WSCD2: variants seen among roughly 807,000 people sequenced by gnomAD.
The protein encoded by WSCD2 is sialate:O-sulfotransferase 2.
Under a neutral mutation model 55.7 loss-of-function variants are expected in WSCD2, and 28 were observed. The ratio of observed to expected loss-of-function variants is 0.50; its 90% CI spans 0.37 to 0.69. The LOEUF is 0.69. Among genes scored for constraint, WSCD2 ranks in the 30% least tolerant of loss-of-function variants. WSCD2 has a pLI of 0.00. For synonymous variants in WSCD2, 301 were observed against 301.9 expected (o/e 1.00, Z 0.03); for missense variants, 616 against 762.1 (o/e 0.81, Z 2.26).
intron 1 of WSCD2, among the ~76,000 whole-genome samples, chr12:108,189,047 T>G (rs1565946919): frequency 6.6e-6 from 1 of 152,178 alleles, no homozygotes; most frequent in Non-Finnish European, 1.5e-5. Context: ...GCGTTACTTA[T>G]TTATAAAAGA....
At chr12:108,151,198 A>G (rs193026400) in intron 1 of WSCD2, among the ~76,000 whole-genome samples, 120 of 152,132 alleles carry the variant, frequency 7.9e-4, no homozygotes, top group Non-Finnish European at 1.5e-3. Context: ...CCCTGTTGAC[A>G]TTTGTGGTGA....
Position 108,230,217 on chromosome 12 carries a change from A to G in WSCD2, c.980-2514A>G, listed in dbSNP as rs557508295. Among the ~76,000 whole-genome samples the G allele has an allele frequency of 1.9e-3, 295 of 152,362 alleles. 3 individuals are homozygous for G. Among genetic ancestry groups the G allele is most frequent in the African/African-American group, 6.6e-3 (275 of 41,580 alleles). ...AATATAAAACATAACCATATTCTAT[A>G]AAGTCCCTGTGTCTGGGCTCCTTTT... On this transcript the variant is annotated intron_variant, in intron 6 of 8. Coordinates refer to ENST00000547525, the MANE Select transcript of WSCD2 (RefSeq NM_014653.4).
intron 5 of WSCD2, among the ~76,000 whole-genome samples, chr12:108,225,673 G>A (rs1042443762): frequency 6.6e-6 from 1 of 152,170 alleles, no homozygotes; most frequent in African/African-American, 2.4e-5. Flanking sequence ...GGAGCTAGAT[G>A]TCTGACTGTT....
chr12:108,153,668 T>C (rs1312573395), intron 1 of WSCD2, among the ~76,000 whole-genome samples: 1 of 152,124 alleles, frequency 6.6e-6, no homozygotes. Flanking sequence ...TGCAGTGCCA[T>C]GTTCTTTGGT....
intron 1 of WSCD2, among the ~76,000 whole-genome samples, chr12:108,131,099 G>A (rs916276190): frequency 2.0e-5 from 3 of 152,148 alleles, no homozygotes; most frequent in Non-Finnish European, 4.4e-5. Flanking sequence ...CTCAGGCCAA[G>A]TTAGAGCTGC....
At chr12:108,200,151 AT>A (rs1021303585) in intron 2 of WSCD2, among the ~76,000 whole-genome samples, 4 of 152,048 alleles carry the variant, frequency 2.6e-5, no homozygotes, top group South Asian at 4.2e-4. Context: ...TTTAGTCTGC[AT>A]TTTTTTGGAA....
At chr12:108,213,464 C>T (rs1450380642) in intron 4 of WSCD2, among the ~76,000 whole-genome samples, 2 of 152,162 alleles carry the variant, frequency 1.3e-5, no homozygotes, top group African/African-American at 4.8e-5. Context: ...ACCTTTCTCA[C>T]TGATGTCTGC....
intron 1 of WSCD2, among the ~76,000 whole-genome samples, chr12:108,138,671 T>G (rs556092522): frequency 3.9e-5 from 6 of 152,364 alleles, no homozygotes; most frequent in African/African-American, 1.4e-4. Flanking sequence ...TGTTCAGGAC[T>G]CATGATGAAT....
intron 1 of WSCD2, among the ~76,000 whole-genome samples, chr12:108,173,677 C>CCT (rs1215131673): frequency 9.9e-5 from 15 of 152,204 alleles, no homozygotes; most frequent in African/African-American, 3.6e-4. Context: ...CCTTCTGACT[C>CCT]CTATGGTGAA....
At position 108,250,134 on chromosome 12, in the gene WSCD2, G is replaced by A. The variant is rs540787395; in HGVS notation, c.*1791G>A. 1 of 151,578 alleles carries A rather than the reference G, an allele frequency of 6.6e-6. No individual in the cohort carries two copies. The highest frequency in any genetic ancestry group is 2.4e-5 in the African/African-American group (1 of 41,236). The allele number at this position is 151,578 out of a possible 1,614,324, so 9.4% of individuals were successfully genotyped here. Reference sequence around the variant, plus strand: ...TGATGATTCTACCATGTGGTAGAGTGTTGTGTAAGACAGGTTCACAAATGG... The same window carrying A: ...TGATGATTCTACCATGTGGTAGAGTATTGTGTAAGACAGGTTCACAAATGG... On this transcript the variant is annotated 3_prime_UTR_variant, in exon 9 of 9. Transcript: ENST00000547525.
intron 1 of WSCD2, among the ~76,000 whole-genome samples, chr12:108,176,870 C>T (rs1240023844): frequency 3.9e-5 from 6 of 151,986 alleles, no homozygotes; most frequent in Non-Finnish European, 8.8e-5. Flanking sequence ...ATTTAAAAAC[C>T]TCCTGTCTAG....
intron 1 of WSCD2, among the ~76,000 whole-genome samples, chr12:108,167,116 T>G (rs531620337): frequency 6.6e-6 from 1 of 152,260 alleles, no homozygotes; most frequent in East Asian, 1.9e-4. Flanking sequence ...CCGGACTATT[T>G]GCTGTATGTT....
intron 7 of WSCD2, among the ~76,000 whole-genome samples, chr12:108,234,241 G>A (rs889193619): frequency 1.3e-5 from 2 of 152,224 alleles, no homozygotes; most frequent in Non-Finnish European, 2.9e-5. Context: ...TTGGCTCTGG[G>A]TACTCTGGTC....
intron 1 of WSCD2, among the ~76,000 whole-genome samples, chr12:108,144,293 A>G (rs934989267): frequency 6.6e-6 from 1 of 152,172 alleles, no homozygotes; most frequent in African/African-American, 2.4e-5. Flanking sequence ...TTATGCATTC[A>G]GCATCCTTTT....
chr12:108,136,640 C>A (rs967730457), intron 1 of WSCD2, among the ~76,000 whole-genome samples: 1 of 152,160 alleles, frequency 6.6e-6, no homozygotes, highest in Admixed American at 6.5e-5. Context: ...CATGTGGACA[C>A]TGAGGCTCAG....
intron 1 of WSCD2, among the ~76,000 whole-genome samples, chr12:108,156,456 T>A (rs1246887975): frequency 6.6e-6 from 1 of 152,324 alleles, no homozygotes; most frequent in African/African-American, 2.4e-5. Flanking sequence ...AGGTCTTCAT[T>A]TCCCCATAAG....
In WSCD2 at chr12:108,227,019, C is replaced by T. The variant is rs367855700; in HGVS notation, c.834C>T (p.Thr278=). 82 of 1,613,958 alleles carry T rather than the reference C, an allele frequency of 5.1e-5. No homozygotes were observed. Among genetic ancestry groups the T allele is most frequent in the Admixed American group, 5.0e-4 (30 of 60,004 alleles). Reference sequence around the variant, plus strand: ...ACCCGCTGGCAGCTCTTGCAGGCACCGCCTGCCACTGTGGGTTTCCCACCA... The same window carrying T: ...ACCCGCTGGCAGCTCTTGCAGGCACTGCCTGCCACTGTGGGTTTCCCACCA... The part of the protein sequence containing the change: ...KEYPLAALAG[T]ACHCGFPTTR... Residue 278 remains threonine (T), a synonymous_variant, in exon 6 of 9, where the codon ACC becomes ACT. Coordinates refer to ENST00000547525, the MANE Select transcript of WSCD2 (RefSeq NM_014653.4).
At chr12:108,208,808 T>C (rs889014990) in intron 3 of WSCD2, among the ~76,000 whole-genome samples, 1 of 152,216 alleles carries the variant, frequency 6.6e-6, no homozygotes, top group African/African-American at 2.4e-5. Flanking sequence ...TGAATGTGTA[T>C]TAATCATCTG....
At chr12:108,206,014 T>C (rs1165090713) in intron 2 of WSCD2, among the ~76,000 whole-genome samples, 1 of 152,198 alleles carries the variant, frequency 6.6e-6, no homozygotes, top group Non-Finnish European at 1.5e-5. Flanking sequence ...TGGCCTTGGC[T>C]TGGGTTCCTG....
Sources: allele counts gnomAD v4.1 joint callset (sites outside exome capture counted in the v4.1 genomes callset), GRCh38; gene constraint gnomAD v4.1.1; transcripts MANE v1.5; gene names NCBI Gene and HGNC (gene_info 2026-07-23, HGNC 2026-07-21).